Variants in ROBO2 observed in about 807,000 individuals in gnomAD.
ROBO2 encodes roundabout homolog 2.
In ROBO2, 53 loss-of-function variants were observed where a neutral mutation model predicts 160.8. The observed-to-expected ratio is 0.33, with a 90% confidence interval of 0.26 to 0.41. The LOEUF (loss-of-function observed/expected upper bound fraction) is 0.41. ROBO2 is among the 10% of genes least tolerant of loss of function. The pLI is 1.00. For synonymous variants in ROBO2, 664 were observed against 611.7 expected (o/e 1.09, Z -1.26); for missense variants, 1,577 against 1,722.4 (o/e 0.92, Z 1.49).
intron 2 of ROBO2, among the ~76,000 whole-genome samples, chr3:76,012,352 A>C (rs1286091341): frequency 2.0e-5 from 3 of 152,188 alleles, no homozygotes; most frequent in Non-Finnish European, 1.5e-5. Context: ...TTAGTATATT[A>C]AAATTTGGTA....
chr3:77,126,596 G>T (rs573052779), intron 2 of ROBO2, among the ~76,000 whole-genome samples: 7 of 151,776 alleles, frequency 4.6e-5, no homozygotes, highest in African/African-American at 1.5e-4. Context: ...TCATTTGTAC[G>T]TTGTCCAATA....
intron 2 of ROBO2, among the ~76,000 whole-genome samples, chr3:77,145,460 T>C (rs532993856): frequency 2.0e-5 from 3 of 152,330 alleles, no homozygotes; most frequent in South Asian, 4.1e-4. Flanking sequence ...CTTTTTTATA[T>C]GGCATGAAGT....
chr3:77,495,272 A>T (rs1190877424), intron 5 of ROBO2, among the ~76,000 whole-genome samples: 1 of 152,208 alleles, frequency 6.6e-6, no homozygotes, highest in African/African-American at 2.4e-5. Context: ...TTAATTTTAG[A>T]ATAATTTTGA....
intron 2 of ROBO2, among the ~76,000 whole-genome samples, chr3:76,412,295 G>A (rs2075530801): frequency 6.6e-6 from 1 of 152,304 alleles, no homozygotes; most frequent in Non-Finnish European, 1.5e-5. Context: ...TTCAAGTTGA[G>A]GTTTCAATGG....
intron 2 of ROBO2, among the ~76,000 whole-genome samples, chr3:77,126,853 A>G (rs1266763259): frequency 4.4e-5 from 6 of 137,670 alleles, no homozygotes; most frequent in Non-Finnish European, 6.0e-5. Context: ...CAGTGGTGCA[A>G]TCTCGGCTCA....
At chr3:76,959,586 A>G (rs1047410563) in intron 2 of ROBO2, among the ~76,000 whole-genome samples, 1 of 152,170 alleles carries the variant, frequency 6.6e-6, no homozygotes, top group Non-Finnish European at 1.5e-5. Flanking sequence ...GAATTTACAA[A>G]TACACATTTT....
chr3:76,534,532 T>C (rs2082392434), intron 2 of ROBO2, among the ~76,000 whole-genome samples: 1 of 152,138 alleles, frequency 6.6e-6, no homozygotes, highest in Non-Finnish European at 1.5e-5. Flanking sequence ...GCAGATCCTA[T>C]GCAGGAGAGA....
intron 2 of ROBO2, among the ~76,000 whole-genome samples, chr3:76,482,023 C>T (rs2079236411): frequency 6.6e-6 from 1 of 152,006 alleles, no homozygotes; most frequent in African/African-American, 2.4e-5. Context: ...GTCAGAATCC[C>T]CAACCAGAGT....
chr3:77,493,272 T>C, exon 5 of ROBO2: 1 of 1,614,024 alleles, frequency 6.2e-7, no homozygotes, highest in African/African-American at 1.3e-5. Flanking sequence ...GGAGGCCAAT[T>C]AACCAGGTGG....
chr3:76,980,413 A>T (rs2060037546), intron 2 of ROBO2, among the ~76,000 whole-genome samples: 1 of 152,174 alleles, frequency 6.6e-6, no homozygotes, highest in Non-Finnish European at 1.5e-5. Flanking sequence ...CTGGAGGATG[A>T]ACGGTTCCAT....
intron 2 of ROBO2, among the ~76,000 whole-genome samples, chr3:77,207,348 G>A (rs936576124): frequency 2.0e-5 from 3 of 152,060 alleles, no homozygotes; most frequent in Admixed American, 2.0e-4. Context: ...AATCCATTCG[G>A]ACAGTCACAT....
rs115398645 is a variant in ROBO2 at position 77,351,545 on chromosome 3, G to A, written c.389-125869G>A. Among the ~76,000 whole-genome samples, 292 of 152,212 alleles carry A rather than the reference G, an allele frequency of 1.9e-3. 4 individuals carry two copies. Among genetic ancestry groups the A allele is most frequent in the African/African-American group, 6.4e-3 (267 of 41,546 alleles). On this transcript the variant is annotated intron_variant, in intron 2 of 25. Coordinates refer to ENST00000461745, the Ensembl canonical transcript of ROBO2. ...AAAAAACTGAGATAAAGGGTTCCTT[G>A]GTTGAGAATCGTAAGGTGCCTCACT...
At chr3:77,526,067 T>C (rs977566437) in intron 6 of ROBO2, among the ~76,000 whole-genome samples, 5 of 151,346 alleles carry the variant, frequency 3.3e-5, no homozygotes, top group Admixed American at 6.6e-5. Flanking sequence ...TCGTGGTACA[T>C]TGGGTAACTC....
chr3:77,156,834 A>T (rs2078055837), intron 2 of ROBO2, among the ~76,000 whole-genome samples: 1 of 151,510 alleles, frequency 6.6e-6, no homozygotes, highest in Non-Finnish European at 1.5e-5. Context: ...TAAGCTAGTT[A>T]ATTATTAAAA....
intron 1 of ROBO2, among the ~76,000 whole-genome samples, chr3:77,061,161 C>T (rs367904557): frequency 2.6e-5 from 4 of 152,046 alleles, no homozygotes; most frequent in East Asian, 1.9e-4. Context: ...ATACACATAA[C>T]ATACATATGT....
At chr3:76,937,173 G>A (rs2077760373) in intron 2 of ROBO2, among the ~76,000 whole-genome samples, 1 of 152,142 alleles carries the variant, frequency 6.6e-6, no homozygotes, top group African/African-American at 2.4e-5. Flanking sequence ...AAACTTAGTG[G>A]CATCTAAATT....
chr3:76,574,311 T>A (rs1460229277), intron 2 of ROBO2, among the ~76,000 whole-genome samples: 3 of 152,058 alleles, frequency 2.0e-5, no homozygotes, highest in African/African-American at 7.2e-5. Flanking sequence ...GATAACCACA[T>A]AAATTTATAA....
At chr3:76,646,642 A>G (rs535084407) in intron 2 of ROBO2, among the ~76,000 whole-genome samples, 37 of 152,292 alleles carry the variant, frequency 2.4e-4, no homozygotes, top group Non-Finnish European at 4.4e-4. Flanking sequence ...AAAAATATTG[A>G]AAGTTTCCAT....
rs192437506 is a variant in ROBO2, at chr3:76,712,685, T to A, written c.110-385329T>A. ...GTGAGATGCCGTCTCAAAAAAAAAA[T>A]AATAATAATAATTAAAAAAAATTTA... On this transcript the variant is annotated intron_variant, in intron 2 of 26. Transcript: ENST00000487694. Among the ~76,000 whole-genome samples, 1,214 of 151,320 alleles carry A rather than the reference T, an allele frequency of 8.0e-3. 25 individuals are homozygous for A. The highest frequency in any genetic ancestry group is 0.027 in the African/African-American group (1,111 of 41,332).
Sources: allele counts gnomAD v4.1 joint callset (sites outside exome capture counted in the v4.1 genomes callset), GRCh38; gene constraint gnomAD v4.1.1; transcripts MANE v1.5; gene names NCBI Gene and HGNC (gene_info 2026-07-23, HGNC 2026-07-21).